Variants in DISP3 observed in about 807,000 individuals in gnomAD.
The protein encoded by DISP3 is dispatched RND transporter family member 3.
DISP3 carries 101 observed loss-of-function variants against 135.3 expected under a neutral mutation model. The observed-to-expected ratio is 0.75, with a 90% CI of 0.64 to 0.88. DISP3 has a LOEUF of 0.88. DISP3 is among the 40% of genes least tolerant of loss of function. The probability of loss-of-function intolerance (pLI) is 0.00; values close to 1 mark genes in which losing one functional copy is unlikely to be tolerated. For synonymous variants in DISP3, 856 were observed against 817.0 expected (o/e 1.05, Z -0.81); for missense variants, 1,713 against 1,878.6 (o/e 0.91, Z 1.63).
intron 12 of DISP3, among the ~76,000 whole-genome samples, chr1:11,526,072 G>C (rs1189784371): frequency 6.6e-6 from 1 of 152,214 alleles, no homozygotes; most frequent in Non-Finnish European, 1.5e-5. Context: ...TGGTGACAGG[G>C]ACACGCGCCA....
chr1:11,532,887 G>A (rs1390874433), intron 17 of DISP3, among the ~76,000 whole-genome samples: 1 of 151,826 alleles, frequency 6.6e-6, no homozygotes, highest in African/African-American at 2.4e-5. Flanking sequence ...TTATTTTTTG[G>A]TAGAGACGGG....
chr1:11,504,547 G>T (rs1641644964), intron 3 of DISP3, among the ~76,000 whole-genome samples: 1 of 152,218 alleles, frequency 6.6e-6, no homozygotes, highest in African/African-American at 2.4e-5. Flanking sequence ...GAGAGGTGGG[G>T]CCTAGTGGAA....
intron 3 of DISP3, among the ~76,000 whole-genome samples, chr1:11,513,127 TA>T (rs1195286281): frequency 6.6e-6 from 1 of 151,324 alleles, no homozygotes; most frequent in Non-Finnish European, 1.5e-5. Context: ...TACTAAAAAA[TA>T]AAAAAAATCG....
chr1:11,496,383 A>C (rs1452788656), intron 1 of DISP3, among the ~76,000 whole-genome samples: 2 of 152,170 alleles, frequency 1.3e-5, no homozygotes, highest in Non-Finnish European at 2.9e-5. Flanking sequence ...AGACAGAGAC[A>C]GAGGCAGAGA....
intron 1 of DISP3, among the ~76,000 whole-genome samples, chr1:11,495,858 C>A (rs1641317658): frequency 6.6e-6 from 1 of 152,216 alleles, no homozygotes; most frequent in Non-Finnish European, 1.5e-5. Context: ...CCTCGGAGGG[C>A]AGAGCCCTCC....
At chr1:11,523,128 G>A (rs920934406) in intron 10 of DISP3, among the ~76,000 whole-genome samples, 12 of 152,204 alleles carry the variant, frequency 7.9e-5, no homozygotes, top group Admixed American at 3.9e-4. Context: ...TCCCTCCCTG[G>A]GCAGGTCCTT....
chr1:11,527,562 A>AT (rs1642460186), intron 13 of DISP3, among the ~76,000 whole-genome samples: 1 of 149,942 alleles, frequency 6.7e-6, no homozygotes, highest in Non-Finnish European at 1.5e-5. Context: ...AAAAAAAAAA[A>AT]GAGAAAAAGA....
Position 11,531,943 on chromosome 1 carries a change from C to T in DISP3, c.3375+233C>T, listed in dbSNP as rs939536486. 3.3e-5 allele frequency among the ~76,000 whole-genome samples: 5 copies of T among 152,222 alleles called. No homozygotes were observed. The highest frequency in any genetic ancestry group is 1.2e-4 in the African/African-American group (5 of 41,444). On this transcript the variant is annotated intron_variant, in intron 17 of 20. Transcript: ENST00000294484. This position sits in a 1 kb window ranked among gnomAD's most constrained non-coding sequence, Gnocchi z 5.2. Reference sequence around the variant, plus strand: ...TGGGCGGCCTGCCAGTTCCCTTCCACCCACCTTTCCCCTTCCCTCCCTCTC... The same window carrying T: ...TGGGCGGCCTGCCAGTTCCCTTCCATCCACCTTTCCCCTTCCCTCCCTCTC...
At chr1:11,527,730 G>A (rs1404014508) in intron 13 of DISP3, among the ~76,000 whole-genome samples, 2 of 152,052 alleles carry the variant, frequency 1.3e-5, no homozygotes, top group Non-Finnish European at 2.9e-5. Context: ...GGCATACCAG[G>A]CCCCTTTCCA....
At position 11,483,593 on chromosome 1, in the gene DISP3, C is replaced by T. The variant is rs1640960996; in HGVS notation, c.-4+4221C>T. On this transcript the variant is annotated intron_variant, in intron 1 of 20. Transcript: ENST00000294484. This position sits in a 1 kb window ranked among gnomAD's most constrained non-coding sequence, Gnocchi z 5.4. Reference sequence around the variant, plus strand: ...CTGTATTGTTTTGGTTACTGTCATTCAATAAATATTTTCTTGTCGAGAAAC... The same window carrying T: ...CTGTATTGTTTTGGTTACTGTCATTTAATAAATATTTTCTTGTCGAGAAAC... Among the ~76,000 whole-genome samples the T allele has an allele frequency of 6.6e-6, 1 of 152,194 alleles. No homozygotes were observed. Among genetic ancestry groups the T allele is most frequent in the Non-Finnish European group, 1.5e-5 (1 of 68,036 alleles).
At chr1:11,526,114 G>T (rs1191474090) in intron 12 of DISP3, among the ~76,000 whole-genome samples, 3 of 152,196 alleles carry the variant, frequency 2.0e-5, no homozygotes, top group African/African-American at 7.2e-5. Context: ...ATTTCCATTT[G>T]GAAGATGAGG....
intron 2 of DISP3, 38 bp downstream of exon 2, chr1:11,502,126 G>C (rs751615198): frequency 6.6e-7 from 1 of 1,522,844 alleles, no homozygotes; most frequent in Non-Finnish European, 8.8e-7. Context: ...CGTAGGTCCA[G>C]GTTTCATACA....
At chr1:11,527,281 G>A (rs576324627) in intron 13 of DISP3, among the ~76,000 whole-genome samples, 23 of 152,230 alleles carry the variant, frequency 1.5e-4, no homozygotes, top group African/African-American at 4.8e-4. Context: ...GGCCAGGTGC[G>A]GTGGCTCATG....
At position 11,529,416 on chromosome 1, in the gene DISP3, C is replaced by T; in HGVS notation, c.2799-140C>T. ...CATCCCCCAGCCCTCAACCTGAGAA[C>T]AAATCCCCATGCCGGGGCAGAGCCC... On this transcript the variant is annotated intron_variant, in intron 13 of 20. Transcript: ENST00000294484. The surrounding 1 kb of genome is among the most constrained non-coding windows in gnomAD (Gnocchi z 4.7). 9.4e-7 allele frequency: 1 copy of T among 1,068,036 alleles called. No homozygotes were observed. 66.2% of individuals were successfully genotyped at this position (1,068,036 alleles called of 1,614,324 possible). A position where few individuals can be genotyped will look rare whatever the true frequency, so the allele number is the denominator to read the frequency against.
intron 6 of DISP3, 106 bp from the exon 7 acceptor site, chr1:11,517,357 T>G: frequency 6.8e-7 from 1 of 1,463,550 alleles, no homozygotes; most frequent in Non-Finnish European, 9.4e-7. Flanking sequence ...TGCCTCAGTC[T>G]GGGCCAGATC....
chr1:11,482,598 T>C (rs1441963865), intron 1 of DISP3, among the ~76,000 whole-genome samples: 1 of 152,088 alleles, frequency 6.6e-6, no homozygotes, highest in Admixed American at 6.5e-5. Flanking sequence ...ATAACAATAC[T>C]ATAGGTGTTG....
At position 11,479,316 on chromosome 1, in the gene DISP3, C is replaced by T. The variant is rs1175837971; in HGVS notation, c.-60C>T. The T allele has an allele frequency of 1.3e-5, 2 of 155,440 alleles. No homozygotes were observed. Among genetic ancestry groups the T allele is most frequent in the Non-Finnish European group, 2.9e-5 (2 of 68,132 alleles). 9.6% of individuals were successfully genotyped at this position (155,440 alleles called of 1,614,324 possible). A position where few individuals can be genotyped will look rare whatever the true frequency, so the allele number is the denominator to read the frequency against. On this transcript the variant is annotated 5_prime_UTR_variant, in exon 1 of 21. Transcript: ENST00000294484. ...GCGTGGTGGCCGCCGCCCCCCGACC[C>T]TCTGCGCACTCTCTCCCGCGCCGGC... is the stretch of plus-strand genomic sequence containing the variant.
intron 15 of DISP3, 101 bp downstream of exon 15, chr1:11,530,060 C>T (rs1642537192): frequency 1.4e-6 from 2 of 1,475,208 alleles, no homozygotes; most frequent in Non-Finnish European, 1.8e-6. Context: ...CACACCCCCT[C>T]TTGGCTCCTC....
At chr1:11,524,554 C>T (rs531062268) in intron 11 of DISP3, among the ~76,000 whole-genome samples, 4 of 152,048 alleles carry the variant, frequency 2.6e-5, no homozygotes, top group Admixed American at 6.5e-5. Flanking sequence ...CTGTCACCTC[C>T]GCTATCTAGT....
Sources: gnomAD v4.1 joint callset for allele counts (sites outside exome capture counted in the v4.1 genomes callset) on GRCh38, gnomAD v4.1.1 for gene constraint, Gnocchi (gnomAD v3.1) non-coding constraint, MANE v1.5 for transcripts, NCBI Gene and HGNC (gene_info 2026-07-23, HGNC 2026-07-21) for gene names.